Variants in KIDINS220 observed in about 807,000 individuals in gnomAD.
KIDINS220 encodes the protein kinase D-interacting substrate of 220 kDa.
A neutral mutation model predicts 157.6 loss-of-function variants in KIDINS220; 63 were observed. The observed-to-expected ratio is 0.40, with a 90% CI of 0.33 to 0.49. The LOEUF (loss-of-function observed/expected upper bound fraction) is 0.49, where lower values mean the gene tolerates loss of function less well. KIDINS220 is among the 20% of genes least tolerant of loss of function. KIDINS220 has a pLI of 0.66. For missense variants in KIDINS220, 1,772 were observed against 2,171.2 expected (o/e 0.82, Z 3.65); for synonymous variants, 732 against 783.6 (o/e 0.93, Z 1.10).
intron 29 of KIDINS220, among the ~76,000 whole-genome samples, 189 bp downstream of exon 29, chr2:8,733,255 G>A (rs1664401651): frequency 6.6e-6 from 1 of 152,064 alleles, no homozygotes; most frequent in South Asian, 2.1e-4. Flanking sequence ...TTTTTTGTTT[G>A]TTTCACTGAC....
chr2:8,780,855 G>A (rs1365579987), intron 17 of KIDINS220, among the ~76,000 whole-genome samples: 1 of 151,598 alleles, frequency 6.6e-6, no homozygotes. Context: ...AAGACAAAAA[G>A]AAGAGTAGAA....
intron 1 of KIDINS220, among the ~76,000 whole-genome samples, chr2:8,828,208 C>T (rs749216416): frequency 1.3e-4 from 20 of 152,224 alleles, no homozygotes; most frequent in Non-Finnish European, 2.8e-4. Context: ...CGTCCCACCT[C>T]GCCAGGCCTC....
chr2:8,751,367 G>A, intron 23 of KIDINS220, 99 bp downstream of exon 23: 1 of 972,546 alleles, frequency 1.0e-6, no homozygotes, highest in South Asian at 1.5e-5. Context: ...AATACCTCTT[G>A]GTTTTTCATA....
At chr2:8,794,241 A>C in intron 11 of KIDINS220, 1 of 263,098 alleles carries the variant, frequency 3.8e-6, no homozygotes. Context: ...CCTTTTCTTA[A>C]CTCAGTGAAA....
rs1666808040 is a variant in KIDINS220, at chr2:8,747,911, C to A, written c.3504G>T (p.Leu1168Phe). Residue 1168 changes from leucine to phenylalanine, a missense_variant, in exon 25 of 30, where the codon TTG becomes TTT. Physicochemically the swap from Leu to Phe is conservative, Grantham distance 22. Transcript: ENST00000256707. ...CTAGGCCATTGTTCTGATCTCTGGGCAAACTCGTTTTTACTGATGGACGTG... is the reference window on the plus strand; with the variant it reads ...CTAGGCCATTGTTCTGATCTCTGGGAAAACTCGTTTTTACTGATGGACGTG... ...LISRPSVKTSLPRDQNNGLEV... is the reference protein window; with the variant it reads ...LISRPSVKTSFPRDQNNGLEV... The A allele has an allele frequency of 3.1e-6, 5 of 1,604,410 alleles. No individual in the cohort carries two copies. The highest frequency in any genetic ancestry group is 1.3e-5 in the African/African-American group (1 of 74,258).
In KIDINS220 at chr2:8,750,266, C is replaced by A. The variant is rs2148047904; in HGVS notation, c.3260G>T (p.Gly1087Val). 1 of 1,613,874 alleles carries A rather than the reference C, an allele frequency of 6.2e-7. No homozygotes were observed. The change falls in exon 24 of 30, where the codon GGT becomes GTT. Residue 1087 changes from glycine (G) to valine (V), a missense_variant. Gly to Val is a moderately radical substitution (Grantham distance 109). Transcript: ENST00000256707. ...GTACCCTGATGGCGCCCTAGGAGGA[C>A]CCTCATGTAGAGGGAGCGGGGGGTA... is the stretch of plus-strand genomic sequence containing the variant. The part of the protein sequence containing the change: ...LAYPPLPLHE[G>V]PPRAPSGYSQ...
chr2:8,770,606 GTTT>G (rs57679000), intron 22 of KIDINS220, 61 bp downstream of exon 22: 3,286 of 714,684 alleles, frequency 4.6e-3, no homozygotes, highest in South Asian at 7.9e-3. Context: ...CTTTATACGC[GTTT>G]TTTTTTTTTT....
chr2:8,755,927 GTTC>G (rs1480173816), intron 22 of KIDINS220, among the ~76,000 whole-genome samples: 3 of 152,170 alleles, frequency 2.0e-5, no homozygotes, highest in Non-Finnish European at 2.9e-5. Flanking sequence ...CTCCAACTTT[GTTC>G]TTCTTTTTCA....
intron 1 of KIDINS220, among the ~76,000 whole-genome samples, chr2:8,829,215 T>C (rs1293369777): frequency 6.6e-6 from 1 of 152,232 alleles, no homozygotes; most frequent in Non-Finnish European, 1.5e-5. Flanking sequence ...GGCGAGTTAA[T>C]GGCTGTTCTA....
At chr2:8,743,861 A>G (rs1665973031) in intron 26 of KIDINS220, among the ~76,000 whole-genome samples, 1 of 152,128 alleles carries the variant, frequency 6.6e-6, no homozygotes, top group Admixed American at 6.5e-5. Context: ...TATGCTTTGG[A>G]ACTTTGAAAA....
chr2:8,760,704 T>C (rs1444286980), intron 22 of KIDINS220, among the ~76,000 whole-genome samples: 1 of 152,238 alleles, frequency 6.6e-6, no homozygotes, highest in South Asian at 2.1e-4. Flanking sequence ...CCAATTTTAA[T>C]ATTCTTCAGA....
At position 8,822,692 on chromosome 2, in the gene KIDINS220, A is replaced by G. The variant is rs537231797; in HGVS notation, c.109-3899T>C. Among the ~76,000 whole-genome samples the G allele has an allele frequency of 3.5e-4, 54 of 152,332 alleles. No homozygotes were observed. The South Asian group carries it at 0.011, about 32-fold the overall frequency. The stretch of plus-strand genomic sequence containing the variant: ...AGCAAAATCCATTGTTTAAAGTCTC[A>G]GTTCATTTTCTTAAACGGGAAAAAA... On this transcript the variant is annotated intron_variant, in intron 2 of 29. Coordinates refer to ENST00000256707, the MANE Select transcript of KIDINS220 (RefSeq NM_020738.4).
downstream of KIDINS220, chr2:8,721,863 A>G (rs1662977493): frequency 6.6e-6 from 1 of 152,226 alleles, no homozygotes; most frequent in African/African-American, 2.4e-5. Context: ...TGCAGTTGTC[A>G]TGAAGATCAA....
At chr2:8,781,814 GAAGA>G (rs1671762898) in intron 17 of KIDINS220, among the ~76,000 whole-genome samples, 1 of 152,244 alleles carries the variant, frequency 6.6e-6, no homozygotes, top group African/African-American at 2.4e-5. Context: ...TATTCGTAAA[GAAGA>G]AAGATATAAA....
intron 21 of KIDINS220, among the ~76,000 whole-genome samples, chr2:8,771,333 A>C (rs1190544764): frequency 1.3e-5 from 2 of 152,238 alleles, no homozygotes; most frequent in Non-Finnish European, 2.9e-5. Context: ...GGTCTATGTA[A>C]GTAACCTACC....
chr2:8,810,594 T>G (rs527237256), intron 6 of KIDINS220, among the ~76,000 whole-genome samples: 5 of 152,302 alleles, frequency 3.3e-5, no homozygotes, highest in Admixed American at 3.3e-4. Context: ...GAGACCAGCC[T>G]GGCCAACATG....
intron 4 of KIDINS220, 100 bp from the exon 5 acceptor site, chr2:8,813,435 T>C (rs556623719): frequency 3.3e-4 from 261 of 798,814 alleles, no homozygotes; most frequent in Non-Finnish European, 4.8e-4. Flanking sequence ...TCTTTATAAA[T>C]CATTGTTTCA....
chr2:8,784,672 C>T (rs1672153327), intron 17 of KIDINS220, among the ~76,000 whole-genome samples: 2 of 152,132 alleles, frequency 1.3e-5, no homozygotes, highest in Non-Finnish European at 2.9e-5. Context: ...TGCTCCACAA[C>T]ATGTGTAATC....
At chr2:8,797,570 G>A (rs544320298) in intron 10 of KIDINS220, among the ~76,000 whole-genome samples, 37 of 152,246 alleles carry the variant, frequency 2.4e-4, no homozygotes, top group African/African-American at 7.9e-4. Flanking sequence ...GAAATTGGCC[G>A]GTCCTGATCT....
Sources: gnomAD v4.1 joint callset for allele counts (sites outside exome capture counted in the v4.1 genomes callset) on GRCh38, gnomAD v4.1.1 for gene constraint, MANE v1.5 for transcripts, NCBI Gene and HGNC (gene_info 2026-07-23, HGNC 2026-07-21) for gene names.